The following LAIR1 variants were observed in gnomAD, a reference collection of about 807,000 sequenced individuals.
LAIR1 encodes the protein leukocyte-associated immunoglobulin-like receptor 1.
A neutral mutation model predicts 32.8 loss-of-function variants in LAIR1; 24 were observed. That is an observed-to-expected ratio of 0.73 (90% CI 0.53 to 1.03). The LOEUF is 1.03. Ranked by LOEUF, LAIR1 falls within the 50% of genes least tolerant of loss-of-function variation. LAIR1 has a pLI of 0.00. For missense variants in LAIR1, 355 were observed against 347.5 expected (o/e 1.02, Z -0.17); for synonymous variants, 150 against 140.5 (o/e 1.07, Z -0.48).
upstream of LAIR1, among the ~76,000 whole-genome samples, chr19:54,372,113 G>A (rs139576500): frequency 1.0e-3 from 153 of 151,730 alleles, 6 homozygotes; most frequent in African/African-American, 3.2e-3. Context: ...CCATATGACC[G>A]TATGTTTTCA....
At chr19:54,374,213 C>A (rs1213728158), upstream of LAIR1, among the ~76,000 whole-genome samples, 1 of 151,972 alleles carries the variant, frequency 6.6e-6, no homozygotes, top group African/African-American at 2.4e-5. Flanking sequence ...GATTGATGGA[C>A]CATGTGGGGT....
At chr19:54,365,539 C>T (rs1296859939), upstream of LAIR1, among the ~76,000 whole-genome samples, 1 of 152,174 alleles carries the variant, frequency 6.6e-6, no homozygotes, top group Non-Finnish European at 1.5e-5. Context: ...AGCTGTAATC[C>T]CAGCACTTCG....
At position 54,353,727 on chromosome 19, in the gene LAIR1, C is replaced by CTTTCT. The variant is rs953460432; in HGVS notation, c.*1536_*1540dup. On this transcript the variant is annotated 3_prime_UTR_variant, in exon 10 of 10. Transcript: ENST00000391742. ...GAGTTTTTGCTGAATTCTTAAAAAT[C>CTTTCT]TTTCTTTTCTTTTCTTTTCTTTTTT... 1.3e-5 allele frequency: 2 copies of CTTTCT among 151,616 alleles called. No individual in the cohort carries two copies. The highest frequency in any genetic ancestry group is 2.4e-5 in the African/African-American group (1 of 41,012). 9.4% of individuals were successfully genotyped at this position (151,616 alleles called of 1,614,324 possible).
At chr19:54,356,152 A>AC in intron 8 of LAIR1, 78 bp downstream of exon 8, 2 of 697,416 alleles carry the variant, frequency 2.9e-6, no homozygotes, top group Non-Finnish European at 4.5e-6. Context: ...TCTTCCCCCC[A>AC]CCCCCCACAT....
At chr19:54,372,099 A>T (rs1453310549), upstream of LAIR1, among the ~76,000 whole-genome samples, 1 of 151,728 alleles carries the variant, frequency 6.6e-6, no homozygotes, top group African/African-American at 2.4e-5. Context: ...GCTACTGTAA[A>T]GATCCATATG....
chr19:54,360,670 C>T, intron 3 of LAIR1: 1 of 559,638 alleles, frequency 1.8e-6, no homozygotes, highest in Non-Finnish European at 3.2e-6. Flanking sequence ...TCTGAGCCCA[C>T]CAGATGCTGG....
At chr19:54,374,301 C>T (rs1459046131), upstream of LAIR1, among the ~76,000 whole-genome samples, 1 of 152,152 alleles carries the variant, frequency 6.6e-6, no homozygotes, top group Non-Finnish European at 1.5e-5. Context: ...GTCATATTCC[C>T]TCTGGAACCC....
At position 54,356,517 on chromosome 19, in the gene LAIR1, A is replaced by C; in HGVS notation, c.557T>G (p.Leu186Arg). 6.2e-7 allele frequency: 1 copy of C among 1,614,026 alleles called. No individual in the cohort carries two copies. Among genetic ancestry groups the C allele is most frequent in the Non-Finnish European group, 8.5e-7 (1 of 1,179,974 alleles). ...CTGCTTTATCTGATTCTGGCGATGG[A>C]GGCAGAAGAGGACCAGGAGGAGGAG... Reference protein sequence around the residue: ...FCLLLLVLFCLHRQNQIKQGP... With the variant: ...FCLLLLVLFCRHRQNQIKQGP... Residue 186 changes from leucine to arginine, a missense_variant, in exon 6 of 10, where the codon CTC becomes CGC. Coordinates refer to ENST00000391742, the MANE Select transcript of LAIR1 (RefSeq NM_002287.6).
upstream of LAIR1, among the ~76,000 whole-genome samples, chr19:54,368,989 C>A (rs2082339092): frequency 6.6e-6 from 1 of 151,220 alleles, no homozygotes; most frequent in Non-Finnish European, 1.5e-5. Flanking sequence ...ACCCGGCCGA[C>A]TAATTCATTT....
At chr19:54,368,082 T>C (rs2082311232), upstream of LAIR1, 1 of 152,142 alleles carries the variant, frequency 6.6e-6, no homozygotes, top group Admixed American at 6.5e-5. Flanking sequence ...TAATTTTTTG[T>C]AATGCCTAAG....
At chr19:54,370,173 G>T (rs3852907) in intron 1 of LAIR1, 16 of 662,468 alleles carry the variant, frequency 2.4e-5, no homozygotes, top group South Asian at 1.7e-4. Flanking sequence ...ATTGGCTCAC[G>T]TTTCTGTGCC....
intron 3 of LAIR1, chr19:54,360,601 A>T: frequency 2.1e-6 from 1 of 486,190 alleles, no homozygotes; most frequent in East Asian, 3.3e-5. Flanking sequence ...ATCCTCTTGT[A>T]GGGGGGTTGC....
In LAIR1 at chr19:54,360,811, A is replaced by G. The variant is rs375656315; in HGVS notation, c.364+105T>C. The G allele has an allele frequency of 1.2e-3, 1,392 of 1,117,666 alleles. 20 individuals are homozygous for G. In the African/African-American group the frequency reaches 0.017, roughly 14 times the overall value. 69.2% of individuals were successfully genotyped at this position (1,117,666 alleles called of 1,614,324 possible). ...GGGAGGGCTTGGGGTCAGGAGGAGG[A>G]CAAGGTTGGCCACAGAGGACAGCAG... On this transcript the variant is annotated intron_variant, in intron 3 of 9. Transcript: ENST00000391742.
rs2081747189 is a variant in LAIR1 at position 54,356,943 on chromosome 19, T to C, written c.439A>G (p.Asn147Asp). The change falls in exon 5 of 10, where the codon AAC (asparagine) becomes GAC (aspartate). Residue 147 changes from asparagine (N) to aspartate (D), a missense_variant. By Grantham distance (23) the Asn-to-Asp change is conservative. Transcript: ENST00000391742. ...CATCACTCACGCTCATTGTGACTGTTGTCCGACGGCCTCTGCGTGGGTCCT... is the reference window on the plus strand; with the variant it reads ...CATCACTCACGCTCATTGTGACTGTCGTCCGACGGCCTCTGCGTGGGTCCT... ...SAGPTQRPSD[N>D]SHNEHAPASQ... 4 of 1,613,884 alleles carry C rather than the reference T, an allele frequency of 2.5e-6. No homozygotes were observed. The highest frequency in any genetic ancestry group is 1.1e-5 in the South Asian group (1 of 91,026).
chr19:54,375,171 C>G (rs1413853828), upstream of LAIR1, among the ~76,000 whole-genome samples: 1 of 152,234 alleles, frequency 6.6e-6, no homozygotes, highest in Non-Finnish European at 1.5e-5. Flanking sequence ...CATCTCTGCT[C>G]CCTCTTCGAT....
At chr19:54,375,747 C>T in the LAIR1 span, among the ~76,000 whole-genome samples, 3 of 151,010 alleles carry the variant, frequency 2.0e-5, no homozygotes, top group East Asian at 1.9e-4. Flanking sequence ...CGAAAACATA[C>T]GTTTCCAGGC....
chr19:54,373,398 C>T (rs1438119457), upstream of LAIR1, among the ~76,000 whole-genome samples: 3 of 152,078 alleles, frequency 2.0e-5, no homozygotes, highest in Non-Finnish European at 2.9e-5. Context: ...GAGCCGAGAT[C>T]GCGCCACTGC....
At chr19:54,373,705 G>T (rs1275231231), upstream of LAIR1, among the ~76,000 whole-genome samples, 1 of 152,196 alleles carries the variant, frequency 6.6e-6, no homozygotes, top group African/African-American at 2.4e-5. Flanking sequence ...GACAGAGGTT[G>T]CAGTGAGCCG....
upstream of LAIR1, among the ~76,000 whole-genome samples, chr19:54,366,009 C>T (rs908138937): frequency 9.9e-5 from 15 of 152,200 alleles, no homozygotes; most frequent in Admixed American, 6.5e-5. Context: ...TCACGCCAAG[C>T]GACGCAGAGG....
Sources: allele counts gnomAD v4.1 joint callset (sites outside exome capture counted in the v4.1 genomes callset), GRCh38; gene constraint gnomAD v4.1.1; transcripts MANE v1.5; gene names NCBI Gene and HGNC (gene_info 2026-07-23, HGNC 2026-07-21).